HDAC9: variants seen among roughly 807,000 people sequenced by gnomAD.
The protein encoded by HDAC9 is histone deacetylase 9.
Under a neutral mutation model 139.4 loss-of-function variants are expected in HDAC9, and 41 were observed. The observed-to-expected ratio is 0.29, with a 90% CI of 0.23 to 0.38. HDAC9 has a LOEUF of 0.38. HDAC9 is among the 10% of genes least tolerant of loss of function. The probability of loss-of-function intolerance (pLI) is 1.00; values close to 1 mark genes in which losing one functional copy is unlikely to be tolerated. For synonymous variants in HDAC9, 517 were observed against 476.2 expected, an observed-to-expected ratio of 1.09 and a Z score of -1.12; for missense variants, 1,147 against 1,297.0, an observed-to-expected ratio of 0.88 and a Z score of 1.78.
intron 21 of HDAC9, among the ~76,000 whole-genome samples, chr7:18,864,687 A>C (rs1325194957): frequency 6.6e-6 from 1 of 152,032 alleles, no homozygotes; most frequent in Non-Finnish European, 1.5e-5. Context: ...TGAACCTCCC[A>C]AAATGCTCTA....
chr7:18,921,876 C>T (rs1357739856), intron 22 of HDAC9, among the ~76,000 whole-genome samples: 2 of 152,046 alleles, frequency 1.3e-5, no homozygotes, highest in Admixed American at 6.6e-5. Flanking sequence ...GGCACATATG[C>T]ACTATGGAAT....
At chr7:18,162,206 A>G in intron 1 of HDAC9, 1 of 839,514 alleles carries the variant, frequency 1.2e-6, no homozygotes, top group South Asian at 1.5e-5. Flanking sequence ...TATCTTAAAC[A>G]CTGCATTTTT....
chr7:18,090,658 GA>G (rs1377195864), intron 1 of HDAC9, among the ~76,000 whole-genome samples: 23 of 152,174 alleles, frequency 1.5e-4, no homozygotes, highest in Admixed American at 9.8e-4. Context: ...ATTGACGGGG[GA>G]CAGTAATGGA....
rs532139253 is a variant in HDAC9, at chr7:18,522,826, G to A, written c.22+26502G>A. Among the ~76,000 whole-genome samples the A allele has an allele frequency of 6.6e-5, 10 of 152,254 alleles. No homozygotes were observed. In the East Asian group the frequency reaches 1.9e-3, roughly 29 times the overall value. ...TTTGTTTCTCCCAGGAATCCTCTTT[G>A]TAGGTGGTAAAAATCATTTAACAAG... On this transcript the variant is annotated intron_variant, in intron 2 of 25. Coordinates refer to ENST00000686413, the MANE Select transcript of HDAC9 (RefSeq NM_178425.4).
intron 1 of HDAC9, among the ~76,000 whole-genome samples, chr7:18,299,206 G>T (rs1242195632): frequency 6.7e-6 from 1 of 148,476 alleles, no homozygotes; most frequent in Admixed American, 6.8e-5. Context: ...CACCTTGGCT[G>T]TACAACTCTT....
At chr7:18,531,610 C>G (rs1459303399) in intron 2 of HDAC9, among the ~76,000 whole-genome samples, 1 of 151,990 alleles carries the variant, frequency 6.6e-6, no homozygotes. Context: ...TGCTCCTTGA[C>G]AGTCTTTAAT....
chr7:18,211,362 G>A (rs929834780), intron 2 of HDAC9, among the ~76,000 whole-genome samples: 1 of 152,282 alleles, frequency 6.6e-6, no homozygotes, highest in East Asian at 1.9e-4. Flanking sequence ...CACATAGTAG[G>A]TGAACTTTGA....
intron 13 of HDAC9, among the ~76,000 whole-genome samples, chr7:18,728,405 ACAC>A: frequency 1.6e-4 from 1 of 6,066 alleles, no homozygotes; most frequent in Non-Finnish European, 3.0e-4. Context: ...AGTGTGGAAC[ACAC>A]ACACACACAC....
At chr7:18,428,345 A>C (rs926661561) in intron 1 of HDAC9, among the ~76,000 whole-genome samples, 19 of 152,246 alleles carry the variant, frequency 1.2e-4, no homozygotes, top group African/African-American at 4.6e-4. Flanking sequence ...GCAACCTAGA[A>C]AAATGGAAGA....
At chr7:18,787,001 G>A (rs1413442714) in intron 16 of HDAC9, among the ~76,000 whole-genome samples, 1 of 151,952 alleles carries the variant, frequency 6.6e-6, no homozygotes, top group East Asian at 1.9e-4. Flanking sequence ...CTCTTTTAAG[G>A]TCATAATTTT....
At chr7:18,282,306 G>A (rs1797157030) in intron 2 of HDAC9, among the ~76,000 whole-genome samples, 1 of 152,116 alleles carries the variant, frequency 6.6e-6, no homozygotes, top group Non-Finnish European at 1.5e-5. Context: ...ATCCCGTTTT[G>A]TAAATGAGAA....
intron 12 of HDAC9, among the ~76,000 whole-genome samples, chr7:18,696,040 G>A (rs545108659): frequency 4.6e-5 from 7 of 152,008 alleles, no homozygotes; most frequent in Admixed American, 2.6e-4. Flanking sequence ...AATATCATTC[G>A]TACTAACACT....
chr7:18,516,554 C>A (rs557258769), intron 2 of HDAC9, among the ~76,000 whole-genome samples: 1 of 152,096 alleles, frequency 6.6e-6, no homozygotes, highest in Non-Finnish European at 1.5e-5. Flanking sequence ...GTGTCAAATT[C>A]ACATTCTAGA....
chr7:18,579,821 G>A (rs1827216415), intron 2 of HDAC9, among the ~76,000 whole-genome samples: 1 of 152,040 alleles, frequency 6.6e-6, no homozygotes, highest in African/African-American at 2.4e-5. Context: ...GTGTGTGTGT[G>A]AAAACCTATT....
At chr7:18,437,494 T>C (rs1791316280) in intron 1 of HDAC9, among the ~76,000 whole-genome samples, 1 of 151,514 alleles carries the variant, frequency 6.6e-6, no homozygotes, top group South Asian at 2.1e-4. Flanking sequence ...GGAAAAAGAT[T>C]GCAAATTTAA....
intron 17 of HDAC9, among the ~76,000 whole-genome samples, chr7:18,795,567 G>A (rs1792726727): frequency 6.6e-6 from 1 of 152,138 alleles, no homozygotes; most frequent in Non-Finnish European, 1.5e-5. Context: ...TTGTGCAGCT[G>A]GGTTATCTTT....
chr7:18,296,959 G>A (rs773626607), intron 1 of HDAC9, among the ~76,000 whole-genome samples: 4 of 152,184 alleles, frequency 2.6e-5, no homozygotes, highest in Non-Finnish European at 5.9e-5. Context: ...CTTTCAGGAA[G>A]ATTGAAGTGC....
intron 1 of HDAC9, among the ~76,000 whole-genome samples, chr7:18,396,397 T>C (rs928280381): frequency 6.6e-6 from 1 of 152,154 alleles, no homozygotes; most frequent in African/African-American, 2.4e-5. Flanking sequence ...AGGGATAGTA[T>C]AGATGAGCTC....
At chr7:18,440,385 A>C (rs1791646530) in intron 1 of HDAC9, among the ~76,000 whole-genome samples, 1 of 151,700 alleles carries the variant, frequency 6.6e-6, no homozygotes, top group Admixed American at 6.6e-5. Flanking sequence ...GGGTTTCTCC[A>C]TGTTGGTCAG....
Sources: allele counts gnomAD v4.1 joint callset (sites outside exome capture counted in the v4.1 genomes callset), GRCh38; gene constraint gnomAD v4.1.1; transcripts MANE v1.5; gene names NCBI Gene and HGNC (gene_info 2026-07-23, HGNC 2026-07-21).